Variants in DOCK9 observed in about 807,000 individuals in gnomAD.
DOCK9 encodes the protein dedicator of cytokinesis 9.
DOCK9 carries 89 observed loss-of-function variants against 263.3 expected under a neutral mutation model. The observed-to-expected ratio is 0.34, with a 90% CI of 0.28 to 0.40. The LOEUF is 0.40. Among genes scored for constraint, DOCK9 ranks in the 10% least tolerant of loss-of-function variants. The pLI, the probability that DOCK9 is intolerant of heterozygous loss-of-function variation, is 1.00. For missense variants in DOCK9, 2,140 were observed against 2,603.4 expected, an observed-to-expected ratio of 0.82 and a Z score of 3.87; for synonymous variants, 976 against 973.1, an observed-to-expected ratio of 1.00 and a Z score of -0.06.
At chr13:99,008,231 T>TATAC (rs1567201305) in intron 1 of DOCK9, among the ~76,000 whole-genome samples, 1 of 113,370 alleles carries the variant, frequency 8.8e-6, no homozygotes, top group Non-Finnish European at 1.8e-5. Context: ...TATATATATA[T>TATAC]ATATTTTTTT....
intron 36 of DOCK9, among the ~76,000 whole-genome samples, chr13:98,849,714 C>A (rs1185986316): frequency 6.6e-6 from 1 of 152,192 alleles, no homozygotes; most frequent in African/African-American, 2.4e-5. Context: ...TCAGTTTCTG[C>A]ATCAGCTTAA....
At chr13:99,067,205 T>C (rs1482706900) in intron 1 of DOCK9, among the ~76,000 whole-genome samples, 1 of 152,212 alleles carries the variant, frequency 6.6e-6, no homozygotes. Flanking sequence ...AGGACAAGGA[T>C]AGTGTCTTCA....
At chr13:98,875,910 G>A (rs2043759251) in intron 27 of DOCK9, among the ~76,000 whole-genome samples, 1 of 152,134 alleles carries the variant, frequency 6.6e-6, no homozygotes, top group Non-Finnish European at 1.5e-5. Flanking sequence ...GTTGGCTGGG[G>A]ACAAGAACAT....
chr13:98,845,691 G>A (rs1427892037), intron 38 of DOCK9, among the ~76,000 whole-genome samples: 3 of 152,226 alleles, frequency 2.0e-5, no homozygotes, highest in Admixed American at 6.5e-5. Flanking sequence ...TGCAGAAAGG[G>A]TCAGGCACTT....
chr13:98,888,655 T>G lies in DOCK9; in HGVS notation c.1766A>C (p.Asp589Ala). 1 of 1,613,794 alleles carries G rather than the reference T, an allele frequency of 6.2e-7. No homozygotes were observed. Among genetic ancestry groups the G allele is most frequent in the Non-Finnish European group, 8.5e-7 (1 of 1,179,732 alleles). Reference protein sequence around the residue: ...VILGNLDITIDNVSSDFPNYV... With the variant: ...VILGNLDITIANVSSDFPNYV... ...ACTAGGGAAGTCTGAGGAAACATTA[T>G]CAATTGTAATGTCTAGATTGCCTAA... Residue 589 changes from aspartate to alanine, a missense_variant, in exon 16 of 53, where the codon GAT (aspartate) becomes GCT (alanine). Transcript: ENST00000682017.
chr13:98,822,668 A>AAAACAAAC lies in DOCK9; in HGVS notation c.5130+1722_5130+1729dup, dbSNP rs71114552. Among the ~76,000 whole-genome samples the AAAACAAAC allele has an allele frequency of 7.8e-4, 118 of 151,278 alleles. 1 individual carries two copies. Among genetic ancestry groups the AAAACAAAC allele is most frequent in the East Asian group, 1.8e-3 (9 of 5,092 alleles). ...GGTTTCATATTTGAGAGTAAAAAGT[A>AAAACAAAC]AAACAAACAAACAAACAAACAAACA... is the stretch of plus-strand genomic sequence containing the variant. On this transcript the variant is annotated intron_variant, in intron 45 of 52. Transcript: ENST00000682017.
intron 1 of DOCK9, among the ~76,000 whole-genome samples, chr13:99,066,278 A>G (rs983106539): frequency 6.6e-6 from 1 of 152,216 alleles, no homozygotes; most frequent in Non-Finnish European, 1.5e-5. Flanking sequence ...CTAAGTATTC[A>G]GCATCTTTTA....
At chr13:99,061,879 G>GT (rs60512791) in intron 1 of DOCK9, among the ~76,000 whole-genome samples, 34,206 of 147,686 alleles carry the variant, frequency 0.23, 3,878 homozygotes, top group Middle Eastern at 0.32. Flanking sequence ...TTTTGGTTTT[G>GT]TTTTTTTTTT....
At chr13:98,853,626 T>C (rs1280344370) in intron 34 of DOCK9, 104 bp from the exon 35 acceptor site, 7 of 843,456 alleles carry the variant, frequency 8.3e-6, no homozygotes, top group Non-Finnish European at 7.8e-6. Context: ...AGTCAGATCA[T>C]ACACATTGGA....
intron 2 of DOCK9, among the ~76,000 whole-genome samples, chr13:98,942,518 G>T (rs567643126): frequency 6.6e-6 from 1 of 152,144 alleles, no homozygotes; most frequent in East Asian, 1.9e-4. Context: ...GATTACAGGC[G>T]TGAGCCACCG....
At chr13:98,860,836 T>C (rs1359934147) in intron 32 of DOCK9, among the ~76,000 whole-genome samples, 1 of 152,184 alleles carries the variant, frequency 6.6e-6, no homozygotes, top group Non-Finnish European at 1.5e-5. Context: ...CAACATTTCC[T>C]TAGATTATTG....
intron 1 of DOCK9, among the ~76,000 whole-genome samples, chr13:99,027,264 A>T (rs9513533): frequency 6.6e-6 from 1 of 151,948 alleles, no homozygotes; most frequent in Non-Finnish European, 1.5e-5. Flanking sequence ...GTGATCCACC[A>T]GCCTCAGCCT....
In DOCK9 at chr13:98,921,035, A is replaced by G; in HGVS notation, c.636T>C (p.Asn212=). 6.2e-7 allele frequency: 1 copy of G among 1,602,132 alleles called. No individual in the cohort carries two copies. The highest frequency in any genetic ancestry group is 8.5e-7 in the Non-Finnish European group (1 of 1,173,584). Residue 212 remains asparagine, a synonymous_variant, in exon 7 of 53, where the codon AAT becomes AAC. Transcript: ENST00000682017. Reference sequence around the variant, plus strand: ...TCTTTTCATCTTTATAAAAATTCAAATTATAGGATCCATCGCCAAGTTGAA... The same window carrying G: ...TCTTTTCATCTTTATAAAAATTCAAGTTATAGGATCCATCGCCAAGTTGAA... ...HLIQLGDGSY[N]LNFYKDEKIS...
chr13:99,008,827 G>A (rs1280868964), intron 1 of DOCK9, among the ~76,000 whole-genome samples: 1 of 152,134 alleles, frequency 6.6e-6, no homozygotes, highest in African/African-American at 2.4e-5. Flanking sequence ...TATAAGATTA[G>A]GGCCCCGCCT....
chr13:98,893,042 G>T (rs1429084785), intron 15 of DOCK9, among the ~76,000 whole-genome samples: 1 of 152,184 alleles, frequency 6.6e-6, no homozygotes. Flanking sequence ...TGTGTATGCT[G>T]CATGTGTTTG....
At chr13:99,083,246 C>T (rs1433688395) in intron 1 of DOCK9, among the ~76,000 whole-genome samples, 15 of 151,168 alleles carry the variant, frequency 9.9e-5, no homozygotes, top group Middle Eastern at 3.4e-3. Context: ...CAGAACAAGA[C>T]TCCATCTCAG....
At chr13:98,837,394 A>C in intron 39 of DOCK9, 100 bp downstream of exon 39, 1 of 746,892 alleles carries the variant, frequency 1.3e-6, no homozygotes. Context: ...TAATTGCTGA[A>C]GTAAAAATGC....
At chr13:98,917,052 C>A (rs1176210198) in intron 7 of DOCK9, among the ~76,000 whole-genome samples, 1 of 152,128 alleles carries the variant, frequency 6.6e-6, no homozygotes, top group Non-Finnish European at 1.5e-5. Flanking sequence ...GCCTTGGATA[C>A]ACTTTATTAA....
chr13:98,807,883 T>C (rs2090903087), intron 47 of DOCK9, 76 bp from the exon 48 acceptor site: 2 of 1,264,088 alleles, frequency 1.6e-6, no homozygotes, highest in Non-Finnish European at 1.1e-6. Context: ...GTTCTTTTAT[T>C]ACAAGGGGGA....
Sources: allele counts gnomAD v4.1 joint callset (sites outside exome capture counted in the v4.1 genomes callset), GRCh38; gene constraint gnomAD v4.1.1; transcripts MANE v1.5; gene names NCBI Gene and HGNC (gene_info 2026-07-23, HGNC 2026-07-21).